The following ELMOD1 variants were observed in gnomAD, a reference collection of about 807,000 sequenced individuals.
ELMOD1 encodes the protein ELMO domain containing 1.
A neutral mutation model predicts 46.7 loss-of-function variants in ELMOD1; 21 were observed. The ratio of observed to expected loss-of-function variants is 0.45; its 90% CI spans 0.32 to 0.65. The LOEUF (loss-of-function observed/expected upper bound fraction) is 0.65, where lower values mean the gene tolerates loss of function less well. Among genes scored for constraint, ELMOD1 ranks in the 30% least tolerant of loss-of-function variants. The pLI, the probability that ELMOD1 is intolerant of heterozygous loss-of-function variation, is 0.04. For missense variants in ELMOD1, 348 were observed against 407.8 expected (o/e 0.85, Z 1.26); for synonymous variants, 122 against 138.2 (o/e 0.88, Z 0.82).
chr11:107,640,506 T>C (rs1388144135), intron 6 of ELMOD1, among the ~76,000 whole-genome samples: 3 of 152,200 alleles, frequency 2.0e-5, no homozygotes, highest in African/African-American at 7.2e-5. Flanking sequence ...AAACTATTTA[T>C]ACATACCCTC....
At chr11:107,646,927 G>A (rs1483009994) in intron 6 of ELMOD1, among the ~76,000 whole-genome samples, 1 of 150,162 alleles carries the variant, frequency 6.7e-6, no homozygotes, top group African/African-American at 2.5e-5. Context: ...GCTTTTTTGT[G>A]GGAGATTATC....
chr11:107,615,229 CTTTTTTTTTT>C (rs34461488), intron 1 of ELMOD1, among the ~76,000 whole-genome samples: 3 of 81,138 alleles, frequency 3.7e-5, no homozygotes, highest in East Asian at 8.8e-4. Context: ...TTGTCAGCAT[CTTTTTTTTTT>C]TTTTTTTTTT....
At chr11:107,642,226 G>A (rs1371835242) in intron 6 of ELMOD1, among the ~76,000 whole-genome samples, 1 of 152,076 alleles carries the variant, frequency 6.6e-6, no homozygotes, top group Non-Finnish European at 1.5e-5. Context: ...ACAGGCCTGA[G>A]CCACCGCACG....
rs183995377 is a variant in ELMOD1 at position 107,642,471 on chromosome 11, C to G, written c.421-4997C>G. Among the ~76,000 whole-genome samples the G allele has an allele frequency of 4.2e-3, 639 of 152,136 alleles. 2 individuals are homozygous for G. Among genetic ancestry groups the G allele is most frequent in the African/African-American group, 0.015 (612 of 41,512 alleles). The stretch of plus-strand genomic sequence containing the variant: ...GCAACCTCCACCTCCCAGGTTCAAT[C>G]AATTCTCTGCCTCAGCCTCCCAAGT... On this transcript the variant is annotated intron_variant, in intron 6 of 11. Transcript: ENST00000265840.
chr11:107,654,691 C>G (rs1332385331), intron 10 of ELMOD1, among the ~76,000 whole-genome samples: 2 of 151,034 alleles, frequency 1.3e-5, no homozygotes, highest in Non-Finnish European at 2.9e-5. Context: ...ATGGTGTGAA[C>G]CTGGGAGGCG....
chr11:107,594,007 C>G (rs1865449765), intron 1 of ELMOD1, among the ~76,000 whole-genome samples: 1 of 152,142 alleles, frequency 6.6e-6, no homozygotes, highest in Admixed American at 6.5e-5. Flanking sequence ...TTGGGTATCT[C>G]TGCTTGCTAG....
intron 5 of ELMOD1, among the ~76,000 whole-genome samples, chr11:107,633,180 T>A (rs1591122254): frequency 6.6e-6 from 1 of 152,318 alleles, no homozygotes; most frequent in Non-Finnish European, 1.5e-5. Flanking sequence ...AGATAAGGGT[T>A]ACTCAACCTG....
chr11:107,607,977 T>G (rs7948142), intron 1 of ELMOD1, among the ~76,000 whole-genome samples: 57,866 of 147,140 alleles, frequency 0.39, 12,355 homozygotes, highest in East Asian at 0.72. Flanking sequence ...TATTGTTAAA[T>G]GGAATTTTTT....
At chr11:107,614,635 C>A (rs939293637) in intron 1 of ELMOD1, among the ~76,000 whole-genome samples, 4 of 152,198 alleles carry the variant, frequency 2.6e-5, no homozygotes, top group African/African-American at 9.6e-5. Flanking sequence ...CCATGCCCGG[C>A]CCAGAGTGTA....
chr11:107,599,485 T>C (rs1865551312), intron 1 of ELMOD1, among the ~76,000 whole-genome samples: 1 of 152,108 alleles, frequency 6.6e-6, no homozygotes, highest in Non-Finnish European at 1.5e-5. Context: ...CTCACACCTG[T>C]AATCCCTGCA....
rs567798450 is a variant in ELMOD1 at position 107,599,777 on chromosome 11, A to C, written c.-86+8368A>C. Among the ~76,000 whole-genome samples, 624 of 151,394 alleles carry C rather than the reference A, an allele frequency of 4.1e-3. 4 individuals are homozygous for C. The highest frequency in any genetic ancestry group is 0.014 in the African/African-American group (584 of 41,294). On this transcript the variant is annotated intron_variant, in intron 1 of 11. Transcript: ENST00000265840. ...GAAAAAAAGAAAAGAAAAAAAAAAA[A>C]AACTGTATCCTAACAGCATACTGGG...
At chr11:107,661,284 T>C (rs1866736206) in intron 11 of ELMOD1, among the ~76,000 whole-genome samples, 3 of 152,162 alleles carry the variant, frequency 2.0e-5, no homozygotes, top group Non-Finnish European at 4.4e-5. Flanking sequence ...GGTAGGAAAA[T>C]GGGGAAACCA....
At chr11:107,627,291 T>G (rs567002532) in intron 2 of ELMOD1, among the ~76,000 whole-genome samples, 2 of 152,310 alleles carry the variant, frequency 1.3e-5, no homozygotes, top group South Asian at 4.1e-4. Context: ...AAGCAGCGTA[T>G]AGATACCATT....
Position 107,665,970 on chromosome 11 carries a change from TAAATAAA to T in ELMOD1, c.*774_*780del, listed in dbSNP as rs753402019. On this transcript the variant is annotated 3_prime_UTR_variant, in exon 12 of 12. Coordinates refer to ENST00000265840, the MANE Select transcript of ELMOD1 (RefSeq NM_018712.4). Reference sequence around the variant, plus strand: ...AGCAAGACTCCATCTCAAAAATAAATAAATAAATAAATAAATAAATAAATAAATAAAT... The same window carrying T: ...AGCAAGACTCCATCTCAAAAATAAATTAAATAAATAAATAAATAAATAAAT... 0.27 allele frequency: 31,624 copies of T among 116,238 alleles called. 4,062 individuals carry two copies. Among genetic ancestry groups the T allele is most frequent in the Middle Eastern group, 0.33 (85 of 254 alleles). 7.2% of individuals were successfully genotyped at this position (116,238 alleles called of 1,614,324 possible). A position where few individuals can be genotyped will look rare whatever the true frequency, so the allele number is the denominator to read the frequency against.
intron 5 of ELMOD1, among the ~76,000 whole-genome samples, chr11:107,635,306 G>A (rs565770936): frequency 5.3e-5 from 8 of 152,096 alleles, no homozygotes; most frequent in Non-Finnish European, 8.8e-5. Context: ...GTAGAGATAG[G>A]ATCTTGCTTT....
intron 6 of ELMOD1, among the ~76,000 whole-genome samples, chr11:107,646,292 A>G (rs1255411044): frequency 1.3e-5 from 2 of 152,236 alleles, no homozygotes; most frequent in Admixed American, 6.5e-5. Flanking sequence ...GCAGTAATGT[A>G]TTAATAAAAT....
chr11:107,621,546 A>G (rs1204319152), intron 2 of ELMOD1, among the ~76,000 whole-genome samples: 1 of 152,212 alleles, frequency 6.6e-6, no homozygotes, highest in Non-Finnish European at 1.5e-5. Flanking sequence ...TAGCAAATGT[A>G]ATTAAGTAAG....
intron 2 of ELMOD1, among the ~76,000 whole-genome samples, chr11:107,624,514 T>G (rs10736440): frequency 0.46 from 69,549 of 151,866 alleles, 16,011 homozygotes; most frequent in East Asian, 0.61. Flanking sequence ...AGCTGAGCAT[T>G]GTGGCGCGTA....
chr11:107,653,845 G>C (rs1866572406), intron 9 of ELMOD1: 1 of 233,162 alleles, frequency 4.3e-6, no homozygotes, highest in African/African-American at 2.2e-5. Context: ...AATCAGGAGA[G>C]AGTGAGGCGA....
Sources: gnomAD v4.1 joint callset for allele counts (sites outside exome capture counted in the v4.1 genomes callset) on GRCh38, gnomAD v4.1.1 for gene constraint, MANE v1.5 for transcripts, NCBI Gene and HGNC (gene_info 2026-07-23, HGNC 2026-07-21) for gene names.